CBLN2: variants seen among roughly 807,000 people sequenced by gnomAD.
CBLN2 encodes the protein cerebellin 2 precursor.
Under a neutral mutation model 15.0 loss-of-function variants are expected in CBLN2, and 7 were observed. The observed-to-expected ratio is 0.47, with a 90% CI of 0.27 to 0.88. The LOEUF is 0.88. CBLN2 is among the 40% of genes least tolerant of loss of function. The probability of loss-of-function intolerance (pLI) is 0.14; values close to 1 mark genes in which losing one functional copy is unlikely to be tolerated. For missense variants in CBLN2, 242 were observed against 304.5 expected, an observed-to-expected ratio of 0.79 and a Z score of 1.53; for synonymous variants, 149 against 135.2, an observed-to-expected ratio of 1.10 and a Z score of -0.71.
At chr18:72,583,740 A>G (rs1322767398) in intron 1 of CBLN2, among the ~76,000 whole-genome samples, 1 of 152,220 alleles carries the variant, frequency 6.6e-6, no homozygotes, top group Non-Finnish European at 1.5e-5. Flanking sequence ...TAATAATGAA[A>G]TGTAATAAAG....
intron 1 of CBLN2, among the ~76,000 whole-genome samples, chr18:72,617,784 A>C (rs561457404): frequency 6.6e-5 from 10 of 152,210 alleles, no homozygotes; most frequent in Non-Finnish European, 1.2e-4. Context: ...TTGTGAAAAC[A>C]TATAATCTGT....
chr18:72,565,601 AAG>A (rs1328567637), intron 1 of CBLN2, among the ~76,000 whole-genome samples: 1 of 152,166 alleles, frequency 6.6e-6, no homozygotes, highest in Non-Finnish European at 1.5e-5. Flanking sequence ...ATTTTTATGT[AAG>A]CCCCATAATA....
intron 1 of CBLN2, among the ~76,000 whole-genome samples, chr18:72,589,136 C>A (rs2069461794): frequency 6.6e-6 from 1 of 151,974 alleles, no homozygotes; most frequent in Non-Finnish European, 1.5e-5. Flanking sequence ...ACGTCAATTG[C>A]GGCTGTTACT....
intron 1 of CBLN2, among the ~76,000 whole-genome samples, chr18:72,574,958 A>G (rs12605036): frequency 0.057 from 8,612 of 152,242 alleles, 893 homozygotes; most frequent in East Asian, 0.51. Context: ...AGATTGTGGT[A>G]TTCTCCGGTG....
rs142058306 is a variant in CBLN2, at chr18:72,608,281, G to T, written c.15+30044C>A. ...TTAGCCTCTGACTTCTTTTCTCCTG[G>T]GGGGATAAGTGCAGGGAGAATAAAA... On this transcript the variant is annotated intron_variant, in intron 1 of 2. Transcript: ENST00000581073. 4.8e-3 allele frequency among the ~76,000 whole-genome samples: 726 copies of T among 152,162 alleles called. 3 individuals carry two copies. Among genetic ancestry groups the T allele is most frequent in the Non-Finnish European group, 7.7e-3 (525 of 68,012 alleles).
intron 1 of CBLN2, among the ~76,000 whole-genome samples, chr18:72,600,564 T>C (rs929884009): frequency 6.6e-6 from 1 of 152,040 alleles, no homozygotes; most frequent in African/African-American, 2.4e-5. Flanking sequence ...GAGATAAGAA[T>C]GATGAGAGTT....
chr18:72,611,674 T>C (rs2069623520), intron 1 of CBLN2, among the ~76,000 whole-genome samples: 1 of 152,232 alleles, frequency 6.6e-6, no homozygotes, highest in South Asian at 2.1e-4. Context: ...TGCAAATATT[T>C]TCTCCCATTC....
At chr18:72,548,102 G>A (rs915918755), upstream of CBLN2, among the ~76,000 whole-genome samples, 3 of 152,052 alleles carry the variant, frequency 2.0e-5, no homozygotes, top group Admixed American at 2.0e-4. Flanking sequence ...GTGTGGTATC[G>A]GTGTCTGGAG....
chr18:72,610,514 A>G (rs2069614788), intron 1 of CBLN2, among the ~76,000 whole-genome samples: 1 of 151,996 alleles, frequency 6.6e-6, no homozygotes, highest in Non-Finnish European at 1.5e-5. Context: ...TTGTGCATTT[A>G]CCTCCATTGG....
intron 1 of CBLN2, among the ~76,000 whole-genome samples, chr18:72,588,455 C>G (rs993940505): frequency 6.6e-6 from 1 of 152,196 alleles, no homozygotes; most frequent in Non-Finnish European, 1.5e-5. Context: ...CACAATGCTG[C>G]GAAACCACCA....
intron 1 of CBLN2, among the ~76,000 whole-genome samples, chr18:72,574,810 A>T (rs1403809237): frequency 6.6e-6 from 1 of 152,234 alleles, no homozygotes; most frequent in African/African-American, 2.4e-5. Context: ...AAAGTATGTC[A>T]TGATTACCAT....
chr18:72,546,306 G>A (rs988782920), upstream of CBLN2, among the ~76,000 whole-genome samples: 5 of 151,858 alleles, frequency 3.3e-5, no homozygotes, highest in Non-Finnish European at 7.4e-5. Flanking sequence ...GCGTGGTGGC[G>A]GACGCCTGTA....
Position 72,637,744 on chromosome 18 carries a change from T to A in CBLN2, c.15+581A>T, listed in dbSNP as rs560667019. ...CAGAGATTGACAGGGGAACCCCCCATCCCACCTCTCCTGGATCTTTCATTC... is the reference window on the plus strand; with the variant it reads ...CAGAGATTGACAGGGGAACCCCCCAACCCACCTCTCCTGGATCTTTCATTC... On this transcript the variant is annotated intron_variant, in intron 1 of 2. Transcript: ENST00000581073. Among the ~76,000 whole-genome samples, 171 of 152,144 alleles carry A rather than the reference T, an allele frequency of 1.1e-3. 1 individual carries two copies. Among genetic ancestry groups the A allele is most frequent in the African/African-American group, 4.0e-3 (167 of 41,520 alleles).
intron 1 of CBLN2, among the ~76,000 whole-genome samples, chr18:72,610,952 C>T (rs1428261591): frequency 1.3e-5 from 2 of 152,078 alleles, no homozygotes; most frequent in East Asian, 1.9e-4. Flanking sequence ...TCTGTGAGTA[C>T]CCCCTATTTA....
intron 1 of CBLN2, among the ~76,000 whole-genome samples, chr18:72,565,319 C>G (rs1375078331): frequency 1.3e-5 from 2 of 151,888 alleles, no homozygotes; most frequent in East Asian, 1.9e-4. Flanking sequence ...AATATTATTA[C>G]TGTATAATAT....
intron 1 of CBLN2, among the ~76,000 whole-genome samples, chr18:72,632,921 C>T (rs2069786607): frequency 6.6e-6 from 1 of 152,136 alleles, no homozygotes; most frequent in African/African-American, 2.4e-5. Context: ...GTAATTAGTA[C>T]AGTGCTTGAC....
chr18:72,632,725 A>G (rs1170192481), intron 1 of CBLN2, among the ~76,000 whole-genome samples: 2 of 152,186 alleles, frequency 1.3e-5, no homozygotes, highest in Non-Finnish European at 2.9e-5. Context: ...TCTAGGCACT[A>G]TTATTTATAG....
intron 1 of CBLN2, among the ~76,000 whole-genome samples, chr18:72,634,995 G>A (rs900673590): frequency 2.0e-5 from 3 of 151,972 alleles, no homozygotes; most frequent in Non-Finnish European, 4.4e-5. Flanking sequence ...TTTCTTCCAT[G>A]GCTTATATTT....
intron 1 of CBLN2, among the ~76,000 whole-genome samples, chr18:72,634,703 G>C (rs944702968): frequency 2.0e-5 from 3 of 152,130 alleles, no homozygotes; most frequent in Non-Finnish European, 2.9e-5. Context: ...CTGTGGCCAG[G>C]AGATATTTCT....
Sources: allele counts gnomAD v4.1 joint callset (sites outside exome capture counted in the v4.1 genomes callset), GRCh38; gene constraint gnomAD v4.1.1; transcripts MANE v1.5; gene names NCBI Gene and HGNC (gene_info 2026-07-23, HGNC 2026-07-21).